Variants in NOTCH1 observed in about 807,000 individuals in gnomAD.
The protein encoded by NOTCH1 is notch receptor 1.
A neutral mutation model predicts 254.8 loss-of-function variants in NOTCH1; 37 were observed. The observed-to-expected ratio is 0.15, with a 90% confidence interval of 0.11 to 0.19. The LOEUF (loss-of-function observed/expected upper bound fraction) is 0.19. Among genes scored for constraint, NOTCH1 ranks in the 10% least tolerant of loss-of-function variants. The pLI, the probability that NOTCH1 is intolerant of heterozygous loss-of-function variation, is 1.00. For synonymous variants in NOTCH1, 1,731 were observed against 1,618.1 expected (o/e 1.07, Z -1.68); for missense variants, 2,972 against 3,708.6 (o/e 0.80, Z 5.16).
intron 9 of NOTCH1, among the ~76,000 whole-genome samples, chr9:136,516,312 C>A (rs959489573): frequency 3.3e-5 from 5 of 152,236 alleles, no homozygotes; most frequent in Non-Finnish European, 5.9e-5. Context: ...ACAGAAGGGG[C>A]CTTTTTCCCA....
chr9:136,534,194 C>G (rs754256778), intron 2 of NOTCH1, among the ~76,000 whole-genome samples: 2 of 152,222 alleles, frequency 1.3e-5, no homozygotes, highest in Non-Finnish European at 2.9e-5. Context: ...CCACACAGGA[C>G]CTGCCTCCCT....
chr9:136,539,537 C>T (rs917966776), intron 2 of NOTCH1, among the ~76,000 whole-genome samples: 2 of 152,188 alleles, frequency 1.3e-5, no homozygotes, highest in Admixed American at 1.3e-4. Flanking sequence ...TACAGGCACA[C>T]GCCACTGCGC....
intron 33 of NOTCH1, among the ~76,000 whole-genome samples, chr9:136,498,105 T>G (rs1842945036): frequency 1.3e-5 from 2 of 152,134 alleles, no homozygotes. Context: ...GGGCCCAGTC[T>G]CTGTGGGGCC....
intron 2 of NOTCH1, among the ~76,000 whole-genome samples, chr9:136,527,385 C>T (rs35116034): frequency 0.15 from 23,014 of 152,254 alleles, 1,823 homozygotes; most frequent in South Asian, 0.26. Context: ...AATGCTGTCC[C>T]GGCGGCCAGG....
chr9:136,533,937 T>A (rs763622416), intron 2 of NOTCH1, among the ~76,000 whole-genome samples: 36 of 152,338 alleles, frequency 2.4e-4, no homozygotes, highest in Admixed American at 8.5e-4. Context: ...CTCCCCGCCG[T>A]GGCTCCCTGG....
intron 2 of NOTCH1, among the ~76,000 whole-genome samples, chr9:136,527,842 G>A (rs1843490544): frequency 6.6e-6 from 1 of 152,132 alleles, no homozygotes; most frequent in Admixed American, 6.5e-5. Flanking sequence ...AGGGCTGCGG[G>A]GGGAGGGTGC....
rs1395635493 is a variant in NOTCH1, at chr9:136,513,943, G to A, written c.2208-406C>T. Among the ~76,000 whole-genome samples, 1 of 152,212 alleles carries A rather than the reference G, an allele frequency of 6.6e-6. No homozygotes were observed. The highest frequency in any genetic ancestry group is 1.5e-5 in the Non-Finnish European group (1 of 68,036). ...GATCATGCCATTGCACTCCAGCCTG[G>A]ACAACAGAGCAAGGCTCTGTCTCAA... is the stretch of plus-strand genomic sequence containing the variant. On this transcript the variant is annotated intron_variant, in intron 13 of 33. Transcript: ENST00000651671. This position sits in a 1 kb window ranked among gnomAD's most constrained non-coding sequence, Gnocchi z 4.7.
In NOTCH1 at chr9:136,496,972, G is replaced by A. The variant is rs759225800; in HGVS notation, c.6767C>T (p.Ala2256Val). 5 of 1,610,322 alleles carry A rather than the reference G, an allele frequency of 3.1e-6. No individual in the cohort carries two copies. The highest frequency in any genetic ancestry group is 1.7e-5 in the Admixed American group (1 of 59,784). ...CAGCCGGCCGCCCCCACCCAGCGCC[G>A]CCATCTCGGGCTTGGCCGCCACGTT... ...HLNVAAKPEMAALGGGGRLAF... is the reference protein window; with the variant it reads ...HLNVAAKPEMVALGGGGRLAF... The change falls in exon 34 of 34, where the codon GCG becomes GTG. Residue 2256 changes from alanine to valine, a missense_variant. Physicochemically the swap from Ala to Val is moderately conservative, Grantham distance 64. Around this residue, in one of 8 missense-constraint regions of NOTCH1, gnomAD observed 529 missense variants for 529.2 expected, o/e 1.00. Coordinates refer to ENST00000651671, the MANE Select transcript of NOTCH1 (RefSeq NM_017617.5).
intron 33 of NOTCH1, 22 bp downstream of exon 33, chr9:136,498,877 G>A (rs1368751354): frequency 1.2e-6 from 2 of 1,612,266 alleles, no homozygotes; most frequent in South Asian, 2.2e-5. Flanking sequence ...CGTCTCCCCT[G>A]GCATCCCAGC....
intron 27 of NOTCH1, 147 bp downstream of exon 27, chr9:136,503,035 A>T (rs775512944): frequency 6.6e-6 from 8 of 1,212,612 alleles, no homozygotes; most frequent in Middle Eastern, 1.9e-4. Context: ...TGCCATTCAG[A>T]AAATTCCAGA....
Position 136,518,204 on chromosome 9 carries a change from G to T in NOTCH1, c.1188C>A (p.Ala396=). ...NCDTNPVNGK[A]ICTCPSGYTG... ...TGTACCCCGAGGGGCAGGTGCAGAT[G>T]GCCTTGCCATTGACAGGGTTGGTGT... Residue 396 remains alanine (A), a synonymous_variant, in exon 7 of 34, where the codon GCC becomes GCA. Coordinates refer to ENST00000651671, the MANE Select transcript of NOTCH1 (RefSeq NM_017617.5). The T allele has an allele frequency of 6.2e-7, 1 of 1,607,398 alleles. No homozygotes were observed.
In NOTCH1 at chr9:136,515,609, G is replaced by A. The variant is rs2133363890; in HGVS notation, c.1777C>T (p.Pro593Ser). Residue 593 changes from proline to serine, a missense_variant, in exon 11 of 34, where the codon CCA becomes TCA. Physicochemically the swap from Pro to Ser is moderately conservative, Grantham distance 74 (BLOSUM62 -1). Coordinates refer to ENST00000651671, the MANE Select transcript of NOTCH1 (RefSeq NM_017617.5). The part of the protein sequence containing the change: ...GVATFTCLCR[P>S]GYTGHHCETN... ...TCGCAGTGGTGGCCCGTGTAGCCTGGGCGGCAGAGGCAGGTGAAGGTGGCG... is the reference window on the plus strand; with the variant it reads ...TCGCAGTGGTGGCCCGTGTAGCCTGAGCGGCAGAGGCAGGTGAAGGTGGCG... 1 of 1,609,048 alleles carries A rather than the reference G, an allele frequency of 6.2e-7. No homozygotes were observed. Among genetic ancestry groups the A allele is most frequent in the Non-Finnish European group, 8.5e-7 (1 of 1,179,284 alleles).
chr9:136,503,759 G>A (rs541950657), intron 26 of NOTCH1, among the ~76,000 whole-genome samples: 162 of 152,336 alleles, frequency 1.1e-3, no homozygotes, highest in African/African-American at 3.8e-3. Context: ...GGCTGGGGGT[G>A]AGCTCTGCTC....
At position 136,518,285 on chromosome 9, in the gene NOTCH1, C is replaced by T. The variant is rs1156270504; in HGVS notation, c.1107G>A (p.Leu369=). ...TGATGCATGCGTCGTTGAGGTGGCA[C>T]AGCAGACCTGGGCAGGCAGCGGCGG... ...CECPHGRTGL[L]CHLNDACISN... is the part of the protein sequence containing the mutation. The change falls in exon 7 of 34, where the codon CTG becomes CTA. Residue 369 remains leucine (L), a synonymous_variant. Transcript: ENST00000651671. The T allele has an allele frequency of 3.1e-6, 5 of 1,610,480 alleles. No homozygotes were observed. Among genetic ancestry groups the T allele is most frequent in the Middle Eastern group, 1.7e-4 (1 of 5,946 alleles).
In NOTCH1 at chr9:136,508,263, G is replaced by T. The variant is rs61751546; in HGVS notation, c.3294C>A (p.Ser1098Arg). 2 of 1,612,598 alleles carry T rather than the reference G, an allele frequency of 1.2e-6. No homozygotes were observed. Among genetic ancestry groups the T allele is most frequent in the Admixed American group, 1.7e-5 (1 of 60,012 alleles). The change falls in exon 20 of 34, where the codon AGC (serine) becomes AGA (arginine). Residue 1098 changes from serine to arginine, a missense_variant. Physicochemically the swap from Ser to Arg is moderately radical, Grantham distance 110. Coordinates refer to ENST00000651671, the MANE Select transcript of NOTCH1 (RefSeq NM_017617.5). ...GCTGCGCAGCCACCTCACAGGACAC[G>T]CTGGGCACGTCGCAGTAAAGGCCGG... is the stretch of plus-strand genomic sequence containing the variant. Reference protein sequence around the residue: ...GWTGLYCDVPSVSCEVAAQRQ... With the variant: ...GWTGLYCDVPRVSCEVAAQRQ...
At chr9:136,527,076 A>G (rs994188155) in intron 2 of NOTCH1, among the ~76,000 whole-genome samples, 6 of 152,174 alleles carry the variant, frequency 3.9e-5, no homozygotes, top group Non-Finnish European at 7.4e-5. Flanking sequence ...GAAAGTTTTG[A>G]GCCAGGTGTG....
chr9:136,509,984 G>A (rs373832444), intron 17 of NOTCH1, 23 bp from the exon 18 acceptor site: 9 of 1,604,756 alleles, frequency 5.6e-6, no homozygotes, highest in African/African-American at 4.0e-5. Flanking sequence ...GGAAGGGTGA[G>A]TGTGAGGGGC....
chr9:136,523,504 A>G (rs1186905323), intron 3 of NOTCH1, among the ~76,000 whole-genome samples: 1 of 152,170 alleles, frequency 6.6e-6, no homozygotes, highest in Non-Finnish European at 1.5e-5. Flanking sequence ...CTTGTCTCGC[A>G]GAAGCGGGGA....
Position 136,497,158 on chromosome 9 carries a change from G to A in NOTCH1, c.6581C>T (p.Ser2194Phe). 1 of 1,612,756 alleles carries A rather than the reference G, an allele frequency of 6.2e-7. No individual in the cohort carries two copies. Among genetic ancestry groups the A allele is most frequent in the Non-Finnish European group, 8.5e-7 (1 of 1,179,948 alleles). Reference protein sequence around the residue: ...QDGKGCLLDSSGMLSPVDSLE... With the variant: ...QDGKGCLLDSFGMLSPVDSLE... The stretch of plus-strand genomic sequence containing the variant: ...GGAGTCCACGGGCGAGAGCATGCCG[G>A]AGCTGTCCAGCAGGCAGCCCTTGCC... Residue 2194 changes from serine (S) to phenylalanine (F), a missense_variant, in exon 34 of 34, where the codon TCC (serine) becomes TTC (phenylalanine). This residue lies in a region of NOTCH1 where 529 missense variants were observed against 529.2 expected (regional missense o/e 1.00). Transcript: ENST00000651671.
Sources: gnomAD v4.1 joint callset for allele counts (sites outside exome capture counted in the v4.1 genomes callset) on GRCh38, gnomAD v4.1.1 for gene constraint, gnomAD v4.1.1 regional missense constraint, Gnocchi (gnomAD v3.1) non-coding constraint, MANE v1.5 for transcripts, NCBI Gene and HGNC (gene_info 2026-07-23, HGNC 2026-07-21) for gene names.